CSRNP3: variants seen among roughly 807,000 people sequenced by gnomAD.
CSRNP3 encodes the protein cysteine and serine rich nuclear protein 3.
In CSRNP3, 12 loss-of-function variants were observed where a neutral mutation model predicts 48.0. The ratio of observed to expected loss-of-function variants is 0.25; its 90% confidence interval spans 0.16 to 0.41. The LOEUF (loss-of-function observed/expected upper bound fraction) is 0.41, where lower values mean the gene tolerates loss of function less well. Ranked by LOEUF, CSRNP3 falls within the 10% of genes least tolerant of loss-of-function variation. The pLI, the probability that CSRNP3 is intolerant of heterozygous loss-of-function variation, is 1.00. For synonymous variants in CSRNP3, 263 were observed against 269.7 expected, an observed-to-expected ratio of 0.98 and a Z score of 0.24; for missense variants, 580 against 724.4, an observed-to-expected ratio of 0.80 and a Z score of 2.29.
chr2:165,637,944 C>G (rs942050012), intron 4 of CSRNP3, among the ~76,000 whole-genome samples: 89 of 151,982 alleles, frequency 5.9e-4, no homozygotes, highest in African/African-American at 2.0e-3. Flanking sequence ...ATTGTTAAAC[C>G]TTTTTTAATG....
At chr2:165,616,978 T>A (rs1573921687) in intron 4 of CSRNP3, among the ~76,000 whole-genome samples, 2 of 152,246 alleles carry the variant, frequency 1.3e-5, no homozygotes, top group South Asian at 4.1e-4. Context: ...CTTATTTTAT[T>A]CATTGAATTC....
intron 3 of CSRNP3, among the ~76,000 whole-genome samples, chr2:165,586,767 G>A (rs955538921): frequency 6.6e-6 from 1 of 152,136 alleles, no homozygotes; most frequent in African/African-American, 2.4e-5. Context: ...ATCTATGAAA[G>A]CCATGGAATT....
At position 165,687,720 on chromosome 2, in the gene CSRNP3, A is replaced by G. The variant is rs1687653045; in HGVS notation, c.*7967A>G. On this transcript the variant is annotated 3_prime_UTR_variant, in exon 7 of 7. Transcript: ENST00000651982. ...CAGGGGTCAGGAAAATGATTTAAAAATTTGTCTTCTTGACAAGGCCTGAAA... is the reference window on the plus strand; with the variant it reads ...CAGGGGTCAGGAAAATGATTTAAAAGTTTGTCTTCTTGACAAGGCCTGAAA... 6.6e-6 allele frequency: 1 copy of G among 152,068 alleles called. No homozygotes were observed. The highest frequency in any genetic ancestry group is 1.5e-5 in the Non-Finnish European group (1 of 67,992). The allele number at this position is 152,068 out of a possible 1,614,324, so 9.4% of individuals were successfully genotyped here. A position where few individuals can be genotyped will look rare whatever the true frequency, so the allele number is the denominator to read the frequency against.
chr2:165,644,616 T>A (rs927844316), intron 4 of CSRNP3, among the ~76,000 whole-genome samples: 1 of 152,128 alleles, frequency 6.6e-6, no homozygotes, highest in African/African-American at 2.4e-5. Flanking sequence ...CACATTTTTA[T>A]TATCAGTATC....
chr2:165,614,179 T>C (rs978289209), intron 4 of CSRNP3, among the ~76,000 whole-genome samples: 6 of 151,912 alleles, frequency 3.9e-5, no homozygotes, highest in African/African-American at 1.2e-4. Flanking sequence ...TATTCACAGG[T>C]TTTTTTTATT....
At chr2:165,489,951 A>C (rs979440240) in intron 1 of CSRNP3, among the ~76,000 whole-genome samples, 1 of 151,712 alleles carries the variant, frequency 6.6e-6, no homozygotes, top group African/African-American at 2.4e-5. Flanking sequence ...TGGCCAGGGC[A>C]ATCAGGCAGG....
At position 165,500,540 on chromosome 2, in the gene CSRNP3, C is replaced by A. The variant is rs555894931; in HGVS notation, c.-113+5612C>A. On this transcript the variant is annotated intron_variant, in intron 2 of 6. Transcript: ENST00000651982. Reference sequence around the variant, plus strand: ...TCTTGCATTCTTGGCTCACTGCAACCTCCACCTCCCGGGCTCAAGTGATTC... The same window carrying A: ...TCTTGCATTCTTGGCTCACTGCAACATCCACCTCCCGGGCTCAAGTGATTC... 5.3e-5 allele frequency among the ~76,000 whole-genome samples: 8 copies of A among 151,824 alleles called. No homozygotes were observed. In the South Asian group the frequency reaches 1.5e-3, roughly 28 times the overall value.
At chr2:165,497,019 T>G (rs927343243) in intron 2 of CSRNP3, among the ~76,000 whole-genome samples, 1 of 152,070 alleles carries the variant, frequency 6.6e-6, no homozygotes, top group African/African-American at 2.4e-5. Context: ...TCTGGTTGTT[T>G]AGGGAGGTTT....
intron 2 of CSRNP3, among the ~76,000 whole-genome samples, chr2:165,498,553 A>G (rs1684311626): frequency 6.6e-6 from 1 of 152,082 alleles, no homozygotes; most frequent in Non-Finnish European, 1.5e-5. Context: ...ACAGAGTTGG[A>G]TTTTATATTT....
chr2:165,520,031 A>T (rs956269874), intron 3 of CSRNP3, among the ~76,000 whole-genome samples: 3 of 152,138 alleles, frequency 2.0e-5, no homozygotes, highest in Non-Finnish European at 2.9e-5. Flanking sequence ...ATATGTTGTA[A>T]ATGTATGTAA....
chr2:165,550,195 G>A (rs529397354), intron 3 of CSRNP3, among the ~76,000 whole-genome samples: 1 of 152,106 alleles, frequency 6.6e-6, no homozygotes, highest in East Asian at 1.9e-4. Context: ...AATGACAATG[G>A]CAATGCATGA....
At chr2:165,657,655 C>A in intron 4 of CSRNP3, 106 bp from the exon 5 acceptor site, 1 of 1,386,872 alleles carries the variant, frequency 7.2e-7, no homozygotes, top group Non-Finnish European at 1.0e-6. Context: ...CCCTAGCCAA[C>A]AAGGGTTGGC....
intron 3 of CSRNP3, chr2:165,574,280 C>A: frequency 8.9e-7 from 1 of 1,127,212 alleles, no homozygotes; most frequent in Non-Finnish European, 1.3e-6. Flanking sequence ...TCAAAGGTCA[C>A]AGGGCTGGTG....
chr2:165,515,503 C>T (rs1684566872), intron 2 of CSRNP3, among the ~76,000 whole-genome samples: 3 of 151,528 alleles, frequency 2.0e-5, no homozygotes, highest in Admixed American at 6.6e-5. Context: ...GTCAAAAACA[C>T]GTAATTTTTT....
intron 3 of CSRNP3, among the ~76,000 whole-genome samples, chr2:165,524,969 G>C (rs1359176785): frequency 2.0e-5 from 3 of 152,180 alleles, no homozygotes; most frequent in African/African-American, 7.2e-5. Flanking sequence ...TGTATCACAT[G>C]ATGAGTGTAT....
chr2:165,523,116 C>T (rs1412479738), intron 3 of CSRNP3, among the ~76,000 whole-genome samples: 1 of 152,194 alleles, frequency 6.6e-6, no homozygotes, highest in Admixed American at 6.5e-5. Context: ...TCCCCTCCAG[C>T]ATCAAACCAA....
At chr2:165,666,454 A>G (rs1174675460) in intron 5 of CSRNP3, among the ~76,000 whole-genome samples, 13 of 41,002 alleles carry the variant, frequency 3.2e-4, no homozygotes, top group South Asian at 1.8e-3. Context: ...GGAAGGGAGG[A>G]AAGAGAGAGA....
intron 4 of CSRNP3, among the ~76,000 whole-genome samples, chr2:165,619,213 A>C (rs1187767726): frequency 6.6e-6 from 1 of 152,202 alleles, no homozygotes; most frequent in Non-Finnish European, 1.5e-5. Flanking sequence ...TGTTCCTAGA[A>C]GACGACAGAG....
At chr2:165,596,449 TA>T (rs1685812957) in intron 4 of CSRNP3, among the ~76,000 whole-genome samples, 1 of 152,176 alleles carries the variant, frequency 6.6e-6, no homozygotes, top group South Asian at 2.1e-4. Context: ...CTAAATGATT[TA>T]AACATATTTT....
Sources: gnomAD v4.1 joint callset for allele counts (sites outside exome capture counted in the v4.1 genomes callset) on GRCh38, gnomAD v4.1.1 for gene constraint, MANE v1.5 for transcripts, NCBI Gene and HGNC (gene_info 2026-07-23, HGNC 2026-07-21) for gene names.